The following RETREG2 variants were observed in gnomAD, a reference collection of about 807,000 sequenced individuals.
The protein encoded by RETREG2 is reticulophagy regulator 2.
A neutral mutation model predicts 51.6 loss-of-function variants in RETREG2; 21 were observed. That is an observed-to-expected ratio of 0.41 (90% CI 0.29 to 0.59). The LOEUF (loss-of-function observed/expected upper bound fraction) is 0.59. RETREG2 is among the 20% of genes least tolerant of loss of function. The probability of loss-of-function intolerance (pLI) is 0.34; values close to 1 mark genes in which losing one functional copy is unlikely to be tolerated. For missense variants in RETREG2, 674 were observed against 646.0 expected, an observed-to-expected ratio of 1.04 and a Z score of -0.47; for synonymous variants, 339 against 288.6, an observed-to-expected ratio of 1.17 and a Z score of -1.77.
Position 219,178,434 on chromosome 2 carries a change from C to G in RETREG2, c.82C>G (p.Leu28Val). The change falls in exon 1 of 9, where the codon CTG (leucine) becomes GTG (valine). Residue 28 changes from leucine (L) to valine (V), a missense_variant. Leu to Val is a conservative substitution (Grantham distance 32). Transcript: ENST00000430297. ...MGLSLGLGLG[L>V]SLGMSEATSE... ...CCTGAGCCTGGGCCTGGGTCTGGGTCTGAGCCTAGGCATGAGTGAGGCCAC... is the reference window on the plus strand; with the variant it reads ...CCTGAGCCTGGGCCTGGGTCTGGGTGTGAGCCTAGGCATGAGTGAGGCCAC... 1.4e-6 allele frequency: 1 copy of G among 694,126 alleles called. No individual in the cohort carries two copies. The highest frequency in any genetic ancestry group is 3.3e-5 in the East Asian group (1 of 30,074). 43.0% of individuals were successfully genotyped at this position (694,126 alleles called of 1,614,324 possible). A position where few individuals can be genotyped will look rare whatever the true frequency, so the allele number is the denominator to read the frequency against.
At position 219,184,750 on chromosome 2, in the gene RETREG2, T is replaced by G. The variant is rs150567176; in HGVS notation, c.*2121T>G. Reference sequence around the variant, plus strand: ...CCAGAAGCTTGTAGCTGGATCAAAATATTCTCCATAGGCCTGGAGTTTCAT... The same window carrying G: ...CCAGAAGCTTGTAGCTGGATCAAAAGATTCTCCATAGGCCTGGAGTTTCAT... On this transcript the variant is annotated 3_prime_UTR_variant, in exon 9 of 9. Coordinates refer to ENST00000430297, the MANE Select transcript of RETREG2 (RefSeq NM_024293.6). 2.0e-4 allele frequency: 31 copies of G among 152,172 alleles called. No individual in the cohort carries two copies. The East Asian group carries it at 5.0e-3, about 25-fold the overall frequency. 9.4% of individuals were successfully genotyped at this position (152,172 alleles called of 1,614,324 possible).
rs960234634 is a variant in RETREG2, at chr2:219,180,255, C to T, written c.555+10C>T. 3.7e-6 allele frequency: 6 copies of T among 1,614,040 alleles called. No homozygotes were observed. The African/African-American group carries it at 6.7e-5, about 18-fold the overall frequency. On this transcript the variant is annotated intron_variant, in intron 4 of 8. Transcript: ENST00000430297. ...GCAGAATCCAGCTCAGGTAACCTCC[C>T]CTACATCATACAACAGTTCACTACA...
chr2:219,179,863 T>C, intron 3 of RETREG2, 100 bp downstream of exon 3: 2 of 1,354,250 alleles, frequency 1.5e-6, no homozygotes, highest in Non-Finnish European at 2.1e-6. Flanking sequence ...GCATTGTGAA[T>C]GAACTGGTAA....
At position 219,181,900 on chromosome 2, in the gene RETREG2, C is replaced by G. The variant is rs543639423; in HGVS notation, c.1016-113C>G. ...CTCAGCTCCTAAAAGACCTTAACAC[C>G]TAAGGCTTGGCCCAGCTTTCCATGT... is the stretch of plus-strand genomic sequence containing the variant. On this transcript the variant is annotated intron_variant, in intron 8 of 8. Coordinates refer to ENST00000430297, the MANE Select transcript of RETREG2 (RefSeq NM_024293.6). The G allele has an allele frequency of 2.4e-3, 3,664 of 1,557,674 alleles. 9 individuals are homozygous for G. The highest frequency in any genetic ancestry group is 2.7e-3 in the Non-Finnish European group (3,058 of 1,149,900).
rs1378178620 is a variant in RETREG2, at chr2:219,182,455, A to G, written c.1458A>G (p.Ala486=). ...TGCCTGCCCCTGAGGAAGAAGAGGCACTCACCACTGAGGACTTTGAGTTGC... is the reference window on the plus strand; with the variant it reads ...TGCCTGCCCCTGAGGAAGAAGAGGCGCTCACCACTGAGGACTTTGAGTTGC... ...QPLPAPEEEE[A]LTTEDFELLD... is the part of the protein sequence containing the mutation. The change falls in exon 9 of 9, where the codon GCA becomes GCG. Residue 486 remains alanine (A), a synonymous_variant. Coordinates refer to ENST00000430297, the MANE Select transcript of RETREG2 (RefSeq NM_024293.6). 16 of 1,613,506 alleles carry G rather than the reference A, an allele frequency of 9.9e-6. No homozygotes were observed. The highest frequency in any genetic ancestry group is 1.3e-5 in the African/African-American group (1 of 74,694).
chr2:219,179,066 CTT>C (rs1466697745), intron 2 of RETREG2, 38 bp downstream of exon 2: 3 of 1,463,118 alleles, frequency 2.1e-6, no homozygotes, highest in Non-Finnish European at 2.9e-6. Flanking sequence ...CCATTGGGTA[CTT>C]GCTTGGTGCC....
At position 219,182,065 on chromosome 2, in the gene RETREG2, C is replaced by G; in HGVS notation, c.1068C>G (p.Asp356Glu). 6.2e-7 allele frequency: 1 copy of G among 1,614,094 alleles called. No individual in the cohort carries two copies. The highest frequency in any genetic ancestry group is 8.5e-7 in the Non-Finnish European group (1 of 1,179,996). ...PSEPEETLSR[D>E]LGEGEEGELA... ...AACCAGAGGAGACCCTAAGCCGGGA[C>G]CTAGGGGAGGGAGAGGAGGGAGAGC... Residue 356 changes from aspartate (D) to glutamate (E), a missense_variant, in exon 9 of 9, where the codon GAC becomes GAG. Physicochemically the swap from Asp to Glu is conservative, Grantham distance 45. Coordinates refer to ENST00000430297, the MANE Select transcript of RETREG2 (RefSeq NM_024293.6).
chr2:219,181,836 T>C, intron 8 of RETREG2, 61 bp downstream of exon 8: 1 of 1,595,940 alleles, frequency 6.3e-7, no homozygotes, highest in Non-Finnish European at 8.6e-7. Flanking sequence ...CTACCATGGG[T>C]ACTTACTGTG....
rs1389730923 is a variant in RETREG2 at position 219,178,562 on chromosome 2, G to A, written c.210G>A (p.Ala70=). The change falls in exon 1 of 9, where the codon GCG becomes GCA. Residue 70 remains alanine (A), a synonymous_variant. Transcript: ENST00000430297. ...GCTGGGAGGCGGTGCTGGCGGCGGC[G>A]CAGCGGTTGCTGGTGTGGGAGAAGC... The part of the protein sequence containing the change: ...LRGWEAVLAA[A]QRLLVWEKPL... 4 of 1,452,798 alleles carry A rather than the reference G, an allele frequency of 2.8e-6. No homozygotes were observed. Among genetic ancestry groups the A allele is most frequent in the South Asian group, 2.7e-5 (2 of 73,838 alleles). 90.0% of individuals were successfully genotyped at this position (1,452,798 alleles called of 1,614,324 possible).
At chr2:219,181,498 A>T in intron 7 of RETREG2, 35 bp downstream of exon 7, 1 of 1,610,396 alleles carries the variant, frequency 6.2e-7, no homozygotes, top group Non-Finnish European at 8.5e-7. Flanking sequence ...GTCAAATAGA[A>T]AGCCAGAGGA....
At position 219,182,484 on chromosome 2, in the gene RETREG2, A is replaced by C. The variant is rs574908740; in HGVS notation, c.1487A>C (p.Asp496Ala). The C allele has an allele frequency of 6.2e-7, 1 of 1,613,870 alleles. No homozygotes were observed. The highest frequency in any genetic ancestry group is 2.2e-5 in the East Asian group (1 of 44,848). The change falls in exon 9 of 9, where the codon GAT becomes GCT. Residue 496 changes from aspartate (D) to alanine (A), a missense_variant. By Grantham distance (126) the Asp-to-Ala change is moderately radical. Coordinates refer to ENST00000430297, the MANE Select transcript of RETREG2 (RefSeq NM_024293.6). ...ACCACTGAGGACTTTGAGTTGCTGG[A>C]TCAGGGGGAGCTGGAGCAGCTGAAT... ...ALTTEDFELL[D>A]QGELEQLNAE...
Position 219,182,269 on chromosome 2 carries a change from C to G in RETREG2, c.1272C>G (p.Cys424Trp). The change falls in exon 9 of 9, where the codon TGC (cysteine) becomes TGG (tryptophan). Residue 424 changes from cysteine to tryptophan, a missense_variant. Transcript: ENST00000430297. ...GGTCCCCCCCAGATGGAGTGAAATGCTCCCCTGGAGGACCAGTGGAGACAC... is the reference window on the plus strand; with the variant it reads ...GGTCCCCCCCAGATGGAGTGAAATGGTCCCCTGGAGGACCAGTGGAGACAC... ...GAGSPPDGVK[C>W]SPGGPVETLS... 1 of 1,614,142 alleles carries G rather than the reference C, an allele frequency of 6.2e-7. No individual in the cohort carries two copies. Among genetic ancestry groups the G allele is most frequent in the Non-Finnish European group, 8.5e-7 (1 of 1,179,996 alleles).
At chr2:219,178,729 G>A in intron 1 of RETREG2, 96 bp downstream of exon 1, 1 of 1,342,508 alleles carries the variant, frequency 7.4e-7, no homozygotes, top group East Asian at 2.6e-5. Context: ...TTGGCCTGGG[G>A]GCATGACCCA....
At position 219,178,600 on chromosome 2, in the gene RETREG2, T is replaced by C; in HGVS notation, c.248T>C (p.Leu83Pro). The change falls in exon 1 of 9, where the codon CTG becomes CCG. Residue 83 changes from leucine to proline, a missense_variant. Leu to Pro is a moderately conservative substitution (Grantham distance 98). Transcript: ENST00000430297. Reference protein sequence around the residue: ...LLVWEKPLHSLVTAAALNGLF... With the variant: ...LLVWEKPLHSPVTAAALNGLF... The stretch of plus-strand genomic sequence containing the variant: ...GTGTGGGAGAAGCCGCTGCACAGCC[T>C]GGTCACGGCGGCCGCGCTCAACGGC... 1 of 1,461,568 alleles carries C rather than the reference T, an allele frequency of 6.8e-7. No individual in the cohort carries two copies. The highest frequency in any genetic ancestry group is 9.0e-7 in the Non-Finnish European group (1 of 1,116,666). 90.5% of individuals were successfully genotyped at this position (1,461,568 alleles called of 1,614,324 possible). A position where few individuals can be genotyped will look rare whatever the true frequency, so the allele number is the denominator to read the frequency against.
Position 219,182,604 on chromosome 2 carries a change from A to T in RETREG2, c.1607A>T (p.Glu536Val). The T allele has an allele frequency of 6.2e-7, 1 of 1,614,146 alleles. No homozygotes were observed. Among genetic ancestry groups the T allele is most frequent in the Non-Finnish European group, 8.5e-7 (1 of 1,179,994 alleles). The stretch of plus-strand genomic sequence containing the variant: ...CATTCTCTGGTACAGTCAGACCAAG[A>T]AGCTCAGGCCGTGGCAGAGCCATGA... ...DIHSLVQSDQ[E>V]AQAVAEP Residue 536 changes from glutamate (E) to valine (V), a missense_variant, in exon 9 of 9, where the codon GAA becomes GTA. Coordinates refer to ENST00000430297, the MANE Select transcript of RETREG2 (RefSeq NM_024293.6).
At chr2:219,178,765 C>G in intron 1 of RETREG2, 132 bp downstream of exon 1, 1 of 1,207,304 alleles carries the variant, frequency 8.3e-7, no homozygotes. Flanking sequence ...GGCTGACATC[C>G]GCTTGAATTG....
chr2:219,178,708 T>A lies in RETREG2; in HGVS notation c.281+75T>A, dbSNP rs1950226324. The A allele has an allele frequency of 2.2e-6, 3 of 1,391,042 alleles. No individual in the cohort carries two copies. The South Asian group carries it at 4.5e-5, about 21-fold the overall frequency. The allele number at this position is 1,391,042 out of a possible 1,614,324, so 86.2% of individuals were successfully genotyped here. On this transcript the variant is annotated intron_variant, in intron 1 of 8. Coordinates refer to ENST00000430297, the MANE Select transcript of RETREG2 (RefSeq NM_024293.6). The stretch of plus-strand genomic sequence containing the variant: ...GGGTCGAGAGCACCATTCCCCTTTC[T>A]GGGTTATCACTTGGCCTGGGGGCAT...
Position 219,182,797 on chromosome 2 carries a change from AT to A in RETREG2, c.*169del. 1 of 717,152 alleles carries A rather than the reference AT, an allele frequency of 1.4e-6. No homozygotes were observed. The highest frequency in any genetic ancestry group is 2.3e-6 in the Non-Finnish European group (1 of 437,658). 44.4% of individuals were successfully genotyped at this position (717,152 alleles called of 1,614,324 possible). On this transcript the variant is annotated 3_prime_UTR_variant, in exon 9 of 9. Coordinates refer to ENST00000430297, the MANE Select transcript of RETREG2 (RefSeq NM_024293.6). ...TGCCTGCCTGCCTGCTGTCCTGGGC[AT>A]GGTGCAGTACCTGTGCCTAGGATTG...
chr2:219,179,584 A>G, intron 2 of RETREG2, 149 bp from the exon 3 acceptor site: 2 of 735,438 alleles, frequency 2.7e-6, no homozygotes, highest in Admixed American at 4.1e-5. Flanking sequence ...TAAAGGAGAC[A>G]GACGCAAACA....
Sources: allele counts gnomAD v4.1 joint callset, GRCh38; gene constraint gnomAD v4.1.1; transcripts MANE v1.5; gene names NCBI Gene and HGNC (gene_info 2026-07-23, HGNC 2026-07-21).